ALMS1: variants seen among roughly 807,000 people sequenced by gnomAD.
The protein encoded by ALMS1 is ALMS1 centrosome and basal body associated protein.
In ALMS1, 271 loss-of-function variants were observed where a neutral mutation model predicts 352.2. The observed-to-expected ratio is 0.77, with a 90% CI of 0.70 to 0.85. The LOEUF (loss-of-function observed/expected upper bound fraction) is 0.85. Ranked by LOEUF, ALMS1 falls within the 40% of genes least tolerant of loss-of-function variation. The pLI, the probability that ALMS1 is intolerant of heterozygous loss-of-function variation, is 0.00. For missense variants in ALMS1, 5,445 were observed against 4,870.7 expected, an observed-to-expected ratio of 1.12 and a Z score of -3.51; for synonymous variants, 1,865 against 1,761.2, an observed-to-expected ratio of 1.06 and a Z score of -1.48.
chr2:73,490,090 T>C lies in ALMS1; in HGVS notation c.8131T>C (p.Phe2711Leu), dbSNP rs374573958. The C allele has an allele frequency of 2.5e-6, 4 of 1,613,994 alleles. No individual in the cohort carries two copies. The highest frequency in any genetic ancestry group is 2.7e-5 in the African/African-American group (2 of 74,910). The change falls in exon 10 of 23, where the codon TTT (phenylalanine) becomes CTT (leucine). Residue 2711 changes from phenylalanine (F) to leucine (L), a missense_variant. By Grantham distance (22) the Phe-to-Leu change is conservative. Coordinates refer to ENST00000613296, the MANE Select transcript of ALMS1 (RefSeq NM_001378454.1). ...QMPSPEPMKKFTTSITFSSHR... is the reference protein window; with the variant it reads ...QMPSPEPMKKLTTSITFSSHR... ...GCCGTCCCCAGAACCCATGAAAAAG[T>C]TTACTACCTCCATCACTTTTTCATC...
Position 73,454,982 on chromosome 2 carries a change from G to C in ALMS1, c.7541-180G>C, listed in dbSNP as rs17009070. Among the ~76,000 whole-genome samples, 3,397 of 152,270 alleles carry C rather than the reference G, an allele frequency of 0.022. 127 individuals are homozygous for C. The highest frequency in any genetic ancestry group is 0.09 in the Admixed American group (1,373 of 15,298). On this transcript the variant is annotated intron_variant, in intron 8 of 22. Transcript: ENST00000613296. Reference sequence around the variant, plus strand: ...TATAGAGCATGACTTAAGAAAATCAGACTTTGCAGTGAAAGGATCTCTGTC... The same window carrying C: ...TATAGAGCATGACTTAAGAAAATCACACTTTGCAGTGAAAGGATCTCTGTC...
intron 2 of ALMS1, among the ~76,000 whole-genome samples, chr2:73,412,170 A>G (rs1170020592): frequency 1.3e-5 from 2 of 152,202 alleles, no homozygotes; most frequent in Non-Finnish European, 2.9e-5. Flanking sequence ...TCATGCAGTC[A>G]CCACCACATT....
chr2:73,507,006 G>A (rs13411311), intron 10 of ALMS1, among the ~76,000 whole-genome samples: 44,456 of 151,698 alleles, frequency 0.29, 7,746 homozygotes, highest in African/African-American at 0.5. Context: ...GAATTTTATC[G>A]AAGGCCTTTT....
chr2:73,593,222 A>T (rs6739005), intron 16 of ALMS1, among the ~76,000 whole-genome samples: 4 of 151,618 alleles, frequency 2.6e-5, no homozygotes, highest in Non-Finnish European at 5.9e-5. Flanking sequence ...CCATCCCATG[A>T]TGGGTCCTCA....
At chr2:73,534,784 A>G (rs1234528389) in intron 11 of ALMS1, 40 bp from the exon 12 acceptor site, 9 of 1,604,000 alleles carry the variant, frequency 5.6e-6, no homozygotes, top group Non-Finnish European at 5.1e-6. Flanking sequence ...GAATTAACAA[A>G]TGTTTTTCAT....
chr2:73,538,951 T>C (rs1674096721), intron 12 of ALMS1, among the ~76,000 whole-genome samples: 1 of 152,160 alleles, frequency 6.6e-6, no homozygotes, highest in Non-Finnish European at 1.5e-5. Flanking sequence ...AGACTCCACC[T>C]CTGGGGGCAG....
intron 9 of ALMS1, among the ~76,000 whole-genome samples, chr2:73,478,985 C>T (rs933008507): frequency 4.6e-5 from 7 of 152,134 alleles, no homozygotes; most frequent in South Asian, 4.2e-4. Context: ...TGATGGCTTC[C>T]GGCTTCATCC....
chr2:73,493,019 A>G (rs1048264369), intron 10 of ALMS1, among the ~76,000 whole-genome samples: 1 of 152,146 alleles, frequency 6.6e-6, no homozygotes, highest in Admixed American at 6.5e-5. Context: ...TTTCATATAC[A>G]ATTTTTAAAC....
chr2:73,522,109 C>A (rs941956346), intron 11 of ALMS1, among the ~76,000 whole-genome samples: 1 of 152,128 alleles, frequency 6.6e-6, no homozygotes, highest in African/African-American at 2.4e-5. Flanking sequence ...ACAGGCAGTC[C>A]AGTGTAACCT....
Position 73,600,932 on chromosome 2 carries a change from T to G in ALMS1, c.11872+51T>G, listed in dbSNP as rs764998828. ...AGTAGAGAAACTAGTGAATTTCAAG[T>G]CCCCTGCGATGCTGACTCTGTGTTT... On this transcript the variant is annotated intron_variant, in intron 18 of 22. Coordinates refer to ENST00000613296, the MANE Select transcript of ALMS1 (RefSeq NM_001378454.1). 7.7e-6 allele frequency: 12 copies of G among 1,567,432 alleles called. No homozygotes were observed. The Admixed American group carries it at 1.9e-4, about 25-fold the overall frequency.
chr2:73,492,968 T>TA (rs34376546), intron 10 of ALMS1, among the ~76,000 whole-genome samples: 125 of 141,928 alleles, frequency 8.8e-4, no homozygotes, highest in Non-Finnish European at 1.0e-3. Flanking sequence ...TATTGATACT[T>TA]AAAAAAAAAA....
At chr2:73,413,455 ACATTTTGG>A (rs1185458394) in intron 2 of ALMS1, among the ~76,000 whole-genome samples, 12 of 152,044 alleles carry the variant, frequency 7.9e-5, no homozygotes, top group Non-Finnish European at 1.6e-4. Flanking sequence ...GGCACTATTG[ACATTTTGG>A]GTTGAATAAT....
At chr2:73,567,511 T>A (rs1674828937) in intron 15 of ALMS1, among the ~76,000 whole-genome samples, 1 of 152,168 alleles carries the variant, frequency 6.6e-6, no homozygotes, top group African/African-American at 2.4e-5. Flanking sequence ...TACAGGGTAT[T>A]TAAATGAATT....
rs387906312 is a variant in ALMS1 at position 73,572,648 on chromosome 2, AC to A, written c.10772del (p.Thr3591LysfsTer6). 514 of 1,613,968 alleles carry A rather than the reference AC, an allele frequency of 3.2e-4. No homozygotes were observed. The highest frequency in any genetic ancestry group is 4.3e-4 in the Non-Finnish European group (506 of 1,180,008). On this transcript the variant is annotated frameshift_variant, in exon 16 of 23. Coordinates refer to ENST00000613296, the MANE Select transcript of ALMS1 (RefSeq NM_001378454.1). LOFTEE classifies it high-confidence loss of function. ...QRDQKVTPEQ[T>X]TQHTVSLNEL... ...GGATCAGAAGGTCACCCCAGAGCAA[AC>A]AACTCAGCACACTGTGAGTTTGAAT...
At chr2:73,426,425 A>G (rs1410881938) in intron 5 of ALMS1, 28 bp from the exon 6 acceptor site, 4 of 1,609,920 alleles carry the variant, frequency 2.5e-6, no homozygotes, top group South Asian at 1.1e-5. Context: ...TATACATACA[A>G]TTATGCAAAA....
chr2:73,478,969 T>G (rs1672639546), intron 9 of ALMS1, among the ~76,000 whole-genome samples: 1 of 152,164 alleles, frequency 6.6e-6, no homozygotes, highest in Non-Finnish European at 1.5e-5. Flanking sequence ...GTTAGTTTGC[T>G]GAGAATGATG....
Position 73,572,480 on chromosome 2 carries a change from A to T in ALMS1, c.10603A>T (p.Met3535Leu), listed in dbSNP as rs769907792. The change falls in exon 16 of 23, where the codon ATG (methionine) becomes TTG (leucine). Residue 3535 changes from methionine (M) to leucine (L), a missense_variant. Transcript: ENST00000613296. ...HMCLPLPYQN[M>L]DKTKTDYTRI... ...GTGTCTTCCTCTTCCTTATCAAAAC[A>T]TGGACAAGACTAAGACAGATTATAC... 2 of 1,613,984 alleles carry T rather than the reference A, an allele frequency of 1.2e-6. No individual in the cohort carries two copies. The highest frequency in any genetic ancestry group is 1.7e-6 in the Non-Finnish European group (2 of 1,179,972).
intron 7 of ALMS1, among the ~76,000 whole-genome samples, chr2:73,442,211 A>G (rs1325045408): frequency 3.3e-5 from 5 of 152,204 alleles, no homozygotes; most frequent in East Asian, 1.9e-4. Flanking sequence ...GACTGCTGAC[A>G]TGATATTCAA....
intron 1 of ALMS1, among the ~76,000 whole-genome samples, chr2:73,397,366 G>T (rs540189144): frequency 5.8e-4 from 88 of 151,478 alleles, no homozygotes; most frequent in African/African-American, 2.1e-3. Flanking sequence ...GAAGAGTTTT[G>T]ATTTTTTAGT....
Sources: allele counts gnomAD v4.1 joint callset (sites outside exome capture counted in the v4.1 genomes callset), GRCh38; gene constraint gnomAD v4.1.1; transcripts MANE v1.5; gene names NCBI Gene and HGNC (gene_info 2026-07-23, HGNC 2026-07-21).